The following PCSK6 variants were observed in gnomAD, a reference collection of about 807,000 sequenced individuals.
PCSK6 encodes paired basic amino acid cleaving enzyme 4.
Under a neutral mutation model 123.3 loss-of-function variants are expected in PCSK6, and 85 were observed. The ratio of observed to expected loss-of-function variants is 0.69; its 90% CI spans 0.58 to 0.83. The LOEUF (loss-of-function observed/expected upper bound fraction) is 0.83, where lower values mean the gene tolerates loss of function less well. Among genes scored for constraint, PCSK6 ranks in the 40% least tolerant of loss-of-function variants. The pLI, the probability that PCSK6 is intolerant of heterozygous loss-of-function variation, is 0.00. For synonymous variants in PCSK6, 508 were observed against 516.0 expected (o/e 0.98, Z 0.21); for missense variants, 1,191 against 1,282.3 (o/e 0.93, Z 1.09).
intron 18 of PCSK6, 61 bp downstream of exon 18, chr15:101,322,459 C>T (rs1407701406): frequency 8.4e-7 from 1 of 1,187,942 alleles, no homozygotes; most frequent in African/African-American, 1.5e-5. Context: ...GTGGTAAATC[C>T]ATAACACACT....
intron 9 of PCSK6, among the ~76,000 whole-genome samples, chr15:101,388,876 T>C (rs1300950544): frequency 3.9e-5 from 6 of 152,000 alleles, no homozygotes; most frequent in Non-Finnish European, 7.4e-5. Context: ...AGTAGAATGG[T>C]GGTTGCCAGA....
chr15:101,343,328 C>T (rs1183033560), intron 13 of PCSK6, among the ~76,000 whole-genome samples: 1 of 152,072 alleles, frequency 6.6e-6, no homozygotes, highest in Non-Finnish European at 1.5e-5. Flanking sequence ...ATTTTCTCTA[C>T]ATATGTTTGT....
chr15:101,306,496 C>T (rs1385711839), intron 21 of PCSK6, among the ~76,000 whole-genome samples: 2 of 152,190 alleles, frequency 1.3e-5, no homozygotes, highest in Admixed American at 1.3e-4. Context: ...AGAGAGCCTT[C>T]CTCTCCTGGC....
At chr15:101,465,184 G>A (rs979411063) in intron 1 of PCSK6, among the ~76,000 whole-genome samples, 1 of 152,198 alleles carries the variant, frequency 6.6e-6, no homozygotes, top group Non-Finnish European at 1.5e-5. Context: ...TGTGTGGTGA[G>A]CCTGTCCTCA....
At chr15:101,454,592 T>C (rs963019494) in intron 1 of PCSK6, among the ~76,000 whole-genome samples, 1 of 152,000 alleles carries the variant, frequency 6.6e-6, no homozygotes, top group Non-Finnish European at 1.5e-5. Flanking sequence ...AGAGACAGAA[T>C]GTGGTTGCCA....
chr15:101,461,637 T>C (rs918047884), intron 1 of PCSK6, among the ~76,000 whole-genome samples: 2 of 152,042 alleles, frequency 1.3e-5, no homozygotes. Flanking sequence ...GGAAGAAAGA[T>C]AGTCTGCCAT....
At chr15:101,465,320 C>T (rs2057432225) in intron 1 of PCSK6, among the ~76,000 whole-genome samples, 1 of 61,008 alleles carries the variant, frequency 1.6e-5, no homozygotes, top group African/African-American at 5.2e-5. Flanking sequence ...CGCACTGATT[C>T]TACAGCCCTG....
At chr15:101,380,533 C>T (rs965135189) in intron 11 of PCSK6, among the ~76,000 whole-genome samples, 2 of 152,244 alleles carry the variant, frequency 1.3e-5, no homozygotes, top group Non-Finnish European at 2.9e-5. Context: ...CTCAGAGAAA[C>T]CGACGCCTTA....
At chr15:101,431,962 G>T in intron 3 of PCSK6, 28 bp downstream of exon 3, 1 of 1,510,388 alleles carries the variant, frequency 6.6e-7, no homozygotes. Flanking sequence ...AAGTGTCCTG[G>T]GGCAGACAGA....
chr15:101,359,734 A>T (rs2041156430), intron 13 of PCSK6, among the ~76,000 whole-genome samples: 1 of 152,248 alleles, frequency 6.6e-6, no homozygotes, highest in Non-Finnish European at 1.5e-5. Flanking sequence ...CGTGCTGTGC[A>T]CCACTGCAAG....
intron 11 of PCSK6, among the ~76,000 whole-genome samples, chr15:101,372,609 G>A (rs2041619159): frequency 6.6e-6 from 1 of 152,136 alleles, no homozygotes; most frequent in East Asian, 1.9e-4. Context: ...GTCTCTCCAG[G>A]TGAGTGTCCC....
intron 1 of PCSK6, among the ~76,000 whole-genome samples, chr15:101,453,205 T>C (rs1031444248): frequency 1.1e-4 from 17 of 152,138 alleles, no homozygotes; most frequent in African/African-American, 4.1e-4. Flanking sequence ...GGAATTATTT[T>C]GTAAAAGAGA....
chr15:101,342,913 A>C (rs2040650862), intron 13 of PCSK6, among the ~76,000 whole-genome samples: 1 of 152,124 alleles, frequency 6.6e-6, no homozygotes, highest in Non-Finnish European at 1.5e-5. Flanking sequence ...AAAAAAAAAA[A>C]AACCAAACTC....
rs1159094383 is a variant in PCSK6 at position 101,307,278 on chromosome 15, C to T, written c.2747G>A (p.Ser916Asn). 1 of 1,613,684 alleles carries T rather than the reference C, an allele frequency of 6.2e-7. No individual in the cohort carries two copies. Among genetic ancestry groups the T allele is most frequent in the African/African-American group, 1.3e-5 (1 of 74,902 alleles). The part of the protein sequence containing the change: ...LSCAGSSRNC[S>N]RCKTGFTQLG... ...CTGTGTGAAGCCCGTCTTACACCTG[C>T]TACAGTTCCTGCTGGAGCCTGCACA... The change falls in exon 21 of 22, where the codon AGC (serine) becomes AAC (asparagine). Residue 916 changes from serine to asparagine, a missense_variant. By Grantham distance (46) the Ser-to-Asn change is conservative. Around this residue, in one of 3 missense-constraint regions of PCSK6, gnomAD observed 630 missense variants for 631.4 expected, o/e 1.00. Coordinates refer to ENST00000611716, the MANE Select transcript of PCSK6 (RefSeq NM_002570.5).
At chr15:101,389,253 T>C (rs2042156051) in intron 9 of PCSK6, among the ~76,000 whole-genome samples, 1 of 152,210 alleles carries the variant, frequency 6.6e-6, no homozygotes, top group Admixed American at 6.5e-5. Context: ...CTGACTAACC[T>C]GGGCAGCTGC....
At chr15:101,370,227 G>C (rs1037021067) in intron 12 of PCSK6, 108 bp downstream of exon 12, 2 of 925,716 alleles carry the variant, frequency 2.2e-6, no homozygotes, top group Non-Finnish European at 3.0e-6. Flanking sequence ...AGTCCCCAAC[G>C]CCAGAGGGCC....
chr15:101,433,125 T>C (rs1283537846), intron 2 of PCSK6, among the ~76,000 whole-genome samples: 1 of 152,192 alleles, frequency 6.6e-6, no homozygotes, highest in East Asian at 1.9e-4. Context: ...CCACCTGCAA[T>C]AAAACCCAGC....
intron 13 of PCSK6, chr15:101,347,046 T>A (rs1315551569): frequency 8.1e-7 from 1 of 1,231,562 alleles, no homozygotes; most frequent in Admixed American, 4.2e-5. Context: ...TTGACAACAG[T>A]GTGTATGGTG....
chr15:101,477,095 A>G (rs897456836), intron 1 of PCSK6, among the ~76,000 whole-genome samples: 7 of 152,256 alleles, frequency 4.6e-5, no homozygotes, highest in Non-Finnish European at 8.8e-5. Flanking sequence ...ACGTCAGGAA[A>G]GAATGACACA....
Sources: allele counts gnomAD v4.1 joint callset (sites outside exome capture counted in the v4.1 genomes callset), GRCh38; gene constraint gnomAD v4.1.1; regional missense constraint gnomAD v4.1.1; transcripts MANE v1.5; gene names NCBI Gene and HGNC (gene_info 2026-07-23, HGNC 2026-07-21).